DIS3L2: variants seen among roughly 807,000 people sequenced by gnomAD.
DIS3L2 encodes DIS3 like 3'-5' exoribonuclease 2, also known as DIS3-like exonuclease 2.
Under a neutral mutation model 97.5 loss-of-function variants are expected in DIS3L2, and 34 were observed. The observed-to-expected ratio is 0.35, with a 90% CI of 0.27 to 0.46. The LOEUF is 0.46. DIS3L2 is among the 20% of genes least tolerant of loss of function. DIS3L2 has a pLI of 1.00. For synonymous variants in DIS3L2, 435 were observed against 445.2 expected (o/e 0.98, Z 0.29); for missense variants, 1,038 against 1,146.0 (o/e 0.91, Z 1.36).
intron 5 of DIS3L2, among the ~76,000 whole-genome samples, chr2:232,058,977 T>G (rs915774394): frequency 2.0e-5 from 3 of 152,240 alleles, no homozygotes; most frequent in Non-Finnish European, 4.4e-5. Flanking sequence ...TTTTTTCTTT[T>G]TTACATGCTG....
At chr2:231,967,670 C>G (rs891762953) in intron 1 of DIS3L2, among the ~76,000 whole-genome samples, 1 of 152,022 alleles carries the variant, frequency 6.6e-6, no homozygotes, top group African/African-American at 2.4e-5. Context: ...AAGAATTGTT[C>G]TGAGATTTTT....
intron 8 of DIS3L2, among the ~76,000 whole-genome samples, chr2:232,144,286 A>G (rs1690155063): frequency 6.6e-6 from 1 of 152,242 alleles, no homozygotes; most frequent in Middle Eastern, 3.4e-3. Context: ...GTGTGTATGC[A>G]GTTCCATTGC....
rs148166158 is a variant in DIS3L2, at chr2:232,051,113, A to G, written c.366+21033A>G. Among the ~76,000 whole-genome samples the G allele has an allele frequency of 1.1e-3, 168 of 152,314 alleles. 4 individuals carry two copies. The East Asian group carries it at 0.03, about 27-fold the overall frequency. On this transcript the variant is annotated intron_variant, in intron 5 of 20. Transcript: ENST00000325385. ...GCAGGGGTTTTGTCTTATTTTATTT[A>G]TATTCATGGTGTTAAGGTAACAACA...
intron 8 of DIS3L2, among the ~76,000 whole-genome samples, chr2:232,159,482 G>A (rs1690589660): frequency 6.6e-6 from 1 of 152,226 alleles, no homozygotes; most frequent in Non-Finnish European, 1.5e-5. Context: ...CTCACAGAGT[G>A]AGAGGAGGCT....
intron 13 of DIS3L2, among the ~76,000 whole-genome samples, chr2:232,275,956 G>A (rs1311303553): frequency 1.3e-5 from 2 of 152,100 alleles, no homozygotes; most frequent in Admixed American, 1.3e-4. Context: ...TTAGAAATGT[G>A]GGAACTGTTT....
At chr2:232,091,732 T>G (rs1421110302) in intron 6 of DIS3L2, among the ~76,000 whole-genome samples, 1 of 152,212 alleles carries the variant, frequency 6.6e-6, no homozygotes, top group African/African-American at 2.4e-5. Context: ...CAAACTGTTC[T>G]CCATACTGAT....
intron 10 of DIS3L2, among the ~76,000 whole-genome samples, chr2:232,225,687 T>C (rs1227830361): frequency 6.6e-6 from 1 of 152,220 alleles, no homozygotes; most frequent in East Asian, 1.9e-4. Context: ...TTGAACTGTA[T>C]GCTTAATGCT....
At chr2:232,014,742 G>A in intron 1 of DIS3L2, 93 bp from the exon 2 acceptor site, 1 of 531,662 alleles carries the variant, frequency 1.9e-6, no homozygotes, top group Non-Finnish European at 3.2e-6. Context: ...GGGGCACCAT[G>A]TTGCCTTTGC....
chr2:232,214,143 A>C lies in DIS3L2; in HGVS notation c.1204+3738A>C, dbSNP rs778333399. Among the ~76,000 whole-genome samples the C allele has an allele frequency of 1.0e-3, 159 of 152,216 alleles. 4 individuals carry two copies. Among genetic ancestry groups the C allele is most frequent in the Non-Finnish European group, 2.9e-4 (20 of 68,042 alleles). On this transcript the variant is annotated intron_variant, in intron 10 of 20. Coordinates refer to ENST00000325385, the MANE Select transcript of DIS3L2 (RefSeq NM_152383.5). The stretch of plus-strand genomic sequence containing the variant: ...GATAACCCAGAATCTGGAGACAGTA[A>C]ATCGTGTGCCTCAGTGTTTTATTAT...
intron 1 of DIS3L2, among the ~76,000 whole-genome samples, chr2:232,009,395 T>C (rs564759286): frequency 3.3e-5 from 5 of 152,212 alleles, no homozygotes; most frequent in Non-Finnish European, 7.3e-5. Context: ...GACTAATTAA[T>C]TCCATGGAGT....
intron 14 of DIS3L2, among the ~76,000 whole-genome samples, chr2:232,301,263 T>C (rs1284637806): frequency 6.6e-6 from 1 of 152,236 alleles, no homozygotes; most frequent in African/African-American, 2.4e-5. Context: ...TCATGTTTAC[T>C]CTGGGGAGAG....
chr2:232,270,871 T>C (rs191067216), intron 13 of DIS3L2, among the ~76,000 whole-genome samples: 289 of 76,284 alleles, frequency 3.8e-3, no homozygotes, highest in South Asian at 8.9e-3. Context: ...TCTCTCTCTC[T>C]CTCTCTCTCT....
downstream of DIS3L2, chr2:232,340,992 C>A: frequency 2.1e-6 from 1 of 465,348 alleles, no homozygotes; most frequent in South Asian, 1.6e-5. Flanking sequence ...AGAAAGCCAT[C>A]GTGAAACGAG....
At chr2:232,230,910 G>A (rs545502007) in intron 10 of DIS3L2, among the ~76,000 whole-genome samples, 47 of 152,028 alleles carry the variant, frequency 3.1e-4, no homozygotes, top group African/African-American at 9.6e-4. Flanking sequence ...GCAAGCTTGC[G>A]CCCACCCCCC....
intron 6 of DIS3L2, among the ~76,000 whole-genome samples, chr2:232,092,728 T>C (rs1696882187): frequency 6.6e-6 from 1 of 152,218 alleles, no homozygotes; most frequent in African/African-American, 2.4e-5. Flanking sequence ...ATGCTACTGA[T>C]TTTTGTATGT....
chr2:232,282,068 C>A (rs1486291472), intron 13 of DIS3L2, among the ~76,000 whole-genome samples: 1 of 150,940 alleles, frequency 6.6e-6, no homozygotes, highest in African/African-American at 2.4e-5. Context: ...AACCAGCCGT[C>A]CTTCCTCCTT....
chr2:232,062,161 T>C (rs1695730561), intron 5 of DIS3L2, among the ~76,000 whole-genome samples: 1 of 152,186 alleles, frequency 6.6e-6, no homozygotes, highest in Non-Finnish European at 1.5e-5. Flanking sequence ...GGTGGATGCA[T>C]GTTGCTTTCT....
Position 232,035,132 on chromosome 2 carries a change from T to C in DIS3L2, c.366+5052T>C, listed in dbSNP as rs1442456059. ...CTCCCACTATTATTGTGTGGGAGTC[T>C]AAGTCTCTTTATAGGTCTCTAAGAG... On this transcript the variant is annotated intron_variant, in intron 5 of 20. Coordinates refer to ENST00000325385, the MANE Select transcript of DIS3L2 (RefSeq NM_152383.5). Among the ~76,000 whole-genome samples, 8 of 152,158 alleles carry C rather than the reference T, an allele frequency of 5.3e-5. No individual in the cohort carries two copies. The East Asian group carries it at 1.5e-3, about 29-fold the overall frequency.
At chr2:232,188,063 C>T (rs1201902311) in intron 9 of DIS3L2, among the ~76,000 whole-genome samples, 3 of 152,060 alleles carry the variant, frequency 2.0e-5, no homozygotes, top group Non-Finnish European at 4.4e-5. Context: ...TCACTTGAAC[C>T]TGGGAGGCGG....
Sources: gnomAD v4.1 joint callset for allele counts (sites outside exome capture counted in the v4.1 genomes callset) on GRCh38, gnomAD v4.1.1 for gene constraint, MANE v1.5 for transcripts, NCBI Gene and HGNC (gene_info 2026-07-23, HGNC 2026-07-21) for gene names.